PRUNE2: variants seen among roughly 807,000 people sequenced by gnomAD.
The protein encoded by PRUNE2 is protein prune homolog 2.
In PRUNE2, 164 loss-of-function variants were observed where a neutral mutation model predicts 252.0. The ratio of observed to expected loss-of-function variants is 0.65; its 90% confidence interval spans 0.57 to 0.74. PRUNE2 has a LOEUF of 0.74. PRUNE2 is among the 30% of genes least tolerant of loss of function. The pLI, the probability that PRUNE2 is intolerant of heterozygous loss-of-function variation, is 0.00. For synonymous variants in PRUNE2, 1,292 were observed against 1,350.2 expected (o/e 0.96, Z 0.94); for missense variants, 3,495 against 3,711.0 (o/e 0.94, Z 1.51).
chr9:76,857,000 C>T (rs921519391), intron 1 of PRUNE2: 2 of 450,348 alleles, frequency 4.4e-6, no homozygotes, highest in African/African-American at 2.0e-5. Context: ...GTAATCCACC[C>T]GCCTTTGCCT....
At chr9:76,758,171 GT>G (rs904458538) in intron 6 of PRUNE2, among the ~76,000 whole-genome samples, 1 of 152,142 alleles carries the variant, frequency 6.6e-6, no homozygotes. Flanking sequence ...CAAAAGCAGC[GT>G]TTTGTAAGCT....
intron 3 of PRUNE2, among the ~76,000 whole-genome samples, chr9:76,850,025 T>C (rs1310909799): frequency 1.3e-5 from 2 of 151,808 alleles, no homozygotes; most frequent in South Asian, 2.1e-4. Context: ...TGTTGTGTTG[T>C]TGTTGTTGTT....
intron 6 of PRUNE2, among the ~76,000 whole-genome samples, chr9:76,792,088 G>C (rs985635946): frequency 1.3e-5 from 2 of 152,114 alleles, no homozygotes; most frequent in East Asian, 3.9e-4. Flanking sequence ...TACTGATATG[G>C]TTTGGCTGTA....
rs760294933 is a variant in PRUNE2 at position 76,709,232 on chromosome 9, T to C, written c.3042A>G (p.Ser1014=). 9.2e-5 allele frequency: 149 copies of C among 1,613,804 alleles called. No individual in the cohort carries two copies. Among genetic ancestry groups the C allele is most frequent in the Non-Finnish European group, 1.2e-4 (146 of 1,179,860 alleles). The part of the protein sequence containing the change: ...TAEETDIPPQ[S]LQQSSRNRIS... ...TTCGATTTCGAGATGACTGTTGCAG[T>C]GACTGAGGAGGAATGTCAGTCTCCT... is the stretch of plus-strand genomic sequence containing the variant. The change falls in exon 8 of 19, where the codon TCA becomes TCG. Residue 1014 remains serine (S), a synonymous_variant. Coordinates refer to ENST00000376718, the MANE Select transcript of PRUNE2 (RefSeq NM_015225.3).
intron 1 of PRUNE2, among the ~76,000 whole-genome samples, chr9:76,871,044 A>G (rs1311801279): frequency 6.6e-6 from 1 of 152,160 alleles, no homozygotes; most frequent in Non-Finnish European, 1.5e-5. Flanking sequence ...TGGGAATCCT[A>G]CGTTATCCCT....
chr9:76,655,985 T>C (rs1032638433), intron 9 of PRUNE2, among the ~76,000 whole-genome samples: 3 of 152,154 alleles, frequency 2.0e-5, no homozygotes, highest in African/African-American at 7.2e-5. Flanking sequence ...ACCACGTTGT[T>C]TAAAGATTAA....
chr9:76,777,773 T>A (rs2053958544), intron 6 of PRUNE2, among the ~76,000 whole-genome samples: 1 of 152,162 alleles, frequency 6.6e-6, no homozygotes, highest in East Asian at 1.9e-4. Context: ...AAGGGAAGTA[T>A]TATTTTATAT....
intron 6 of PRUNE2, among the ~76,000 whole-genome samples, chr9:76,792,467 C>T (rs1176050468): frequency 6.6e-6 from 1 of 152,168 alleles, no homozygotes; most frequent in Non-Finnish European, 1.5e-5. Context: ...TAAAGTCTCA[C>T]AGAGGACAGA....
intron 10 of PRUNE2, among the ~76,000 whole-genome samples, chr9:76,654,913 A>G (rs889889548): frequency 3.3e-5 from 5 of 152,194 alleles, no homozygotes; most frequent in Non-Finnish European, 2.9e-5. Context: ...TGACCCTGGA[A>G]TACAGTGAGA....
At chr9:76,626,978 T>C in intron 16 of PRUNE2, among the ~76,000 whole-genome samples, 1 of 152,220 alleles carries the variant, frequency 6.6e-6, no homozygotes, top group East Asian at 1.9e-4. Context: ...CTATTGCCTC[T>C]GTCACACCAT....
intron 4 of PRUNE2, among the ~76,000 whole-genome samples, chr9:76,832,072 C>G (rs1331578283): frequency 1.3e-5 from 2 of 152,054 alleles, no homozygotes; most frequent in African/African-American, 2.4e-5. Context: ...TACATCAATT[C>G]TAAATTTGTA....
At position 76,705,720 on chromosome 9, in the gene PRUNE2, G is replaced by A; in HGVS notation, c.6554C>T (p.Ser2185Phe). The A allele has an allele frequency of 6.2e-7, 1 of 1,613,984 alleles. No homozygotes were observed. Among genetic ancestry groups the A allele is most frequent in the Non-Finnish European group, 8.5e-7 (1 of 1,179,874 alleles). Residue 2185 changes from serine (S) to phenylalanine (F), a missense_variant, in exon 8 of 19, where the codon TCT becomes TTT. Coordinates refer to ENST00000376718, the MANE Select transcript of PRUNE2 (RefSeq NM_015225.3). ...AGAAGGTTCAGGTGAACCTTTATGA[G>A]AGGCGGGCTGAGAGGAGCCCTTTAT... ...ADIKGSSQPA[S>F]HKGSPEPSEI...
intron 1 of PRUNE2, among the ~76,000 whole-genome samples, chr9:76,854,813 C>T (rs1260844098): frequency 4.6e-5 from 7 of 151,734 alleles, no homozygotes; most frequent in Non-Finnish European, 1.0e-4. Context: ...GCCTGTAATC[C>T]CAGCACTTTA....
chr9:76,670,416 CG>C (rs2041142882), intron 9 of PRUNE2, among the ~76,000 whole-genome samples: 1 of 151,140 alleles, frequency 6.6e-6, no homozygotes, highest in Non-Finnish European at 1.5e-5. Context: ...CACGGAGTCT[CG>C]CTGATTGCTA....
At chr9:76,837,240 G>A (rs924911690) in intron 4 of PRUNE2, among the ~76,000 whole-genome samples, 1 of 152,018 alleles carries the variant, frequency 6.6e-6, no homozygotes, top group South Asian at 2.1e-4. Context: ...TGAAGCGATT[G>A]AGACCATCCT....
intron 15 of PRUNE2, among the ~76,000 whole-genome samples, chr9:76,633,122 G>A (rs1228401736): frequency 6.6e-6 from 1 of 151,838 alleles, no homozygotes; most frequent in Non-Finnish European, 1.5e-5. Context: ...CTTGGGAGGT[G>A]GAGGCAGGAG....
rs2046656944 is a variant in PRUNE2, at chr9:76,710,673, G to C, written c.1601C>G (p.Ala534Gly). 1.2e-6 allele frequency: 2 copies of C among 1,612,210 alleles called. No homozygotes were observed. Among genetic ancestry groups the C allele is most frequent in the Admixed American group, 1.7e-5 (1 of 59,844 alleles). The change falls in exon 8 of 19, where the codon GCT (alanine) becomes GGT (glycine). Residue 534 changes from alanine (A) to glycine (G), a missense_variant. Ala to Gly is a moderately conservative substitution (Grantham distance 60). Coordinates refer to ENST00000376718, the MANE Select transcript of PRUNE2 (RefSeq NM_015225.3). ...NSDLSEGQLP[A>G]GPEGLDGMGT... is the part of the protein sequence containing the mutation. ...CATGCCATCAAGTCCTTCAGGCCCA[G>C]CGGGGAGCTGTCCTTCTGACAGGTC...
At chr9:76,775,081 C>T (rs1318130634) in intron 6 of PRUNE2, among the ~76,000 whole-genome samples, 1 of 152,010 alleles carries the variant, frequency 6.6e-6, no homozygotes, top group Admixed American at 6.6e-5. Flanking sequence ...AAAAAATTTG[C>T]CCTGTTACTT....
intron 6 of PRUNE2, among the ~76,000 whole-genome samples, chr9:76,789,049 T>C (rs768824143): frequency 2.6e-5 from 4 of 152,232 alleles, no homozygotes; most frequent in Non-Finnish European, 4.4e-5. Flanking sequence ...CATAATTTTC[T>C]TCAGCCTCCA....
Sources: allele counts gnomAD v4.1 joint callset (sites outside exome capture counted in the v4.1 genomes callset), GRCh38; gene constraint gnomAD v4.1.1; transcripts MANE v1.5; gene names NCBI Gene and HGNC (gene_info 2026-07-23, HGNC 2026-07-21).